DISP1: variants seen among roughly 807,000 people sequenced by gnomAD.
DISP1 encodes dispatched RND transporter family member 1, also known as protein dispatched homolog 1.
A neutral mutation model predicts 37.3 loss-of-function variants in DISP1; 30 were observed. The observed-to-expected ratio is 0.80, with a 90% CI of 0.60 to 1.09. The LOEUF (loss-of-function observed/expected upper bound fraction) is 1.09. Among genes scored for constraint, DISP1 ranks in the 50% least tolerant of loss-of-function variants. The pLI, the probability that DISP1 is intolerant of heterozygous loss-of-function variation, is 0.00. For synonymous variants in DISP1, 634 were observed against 690.2 expected, an observed-to-expected ratio of 0.92 and a Z score of 1.28; for missense variants, 1,598 against 1,879.5, an observed-to-expected ratio of 0.85 and a Z score of 2.77.
At chr1:222,827,690 A>G (rs1466388899) in intron 1 of DISP1, 1 of 152,186 alleles carries the variant, frequency 6.6e-6, no homozygotes, top group African/African-American at 2.4e-5. Context: ...TCTAAAAAGC[A>G]ACAACTGGGT....
In DISP1 at chr1:222,942,799, T is replaced by C; in HGVS notation, c.-17-8T>C. On this transcript the variant is annotated splice_polypyrimidine_tract_variant and splice_region_variant and intron_variant, in intron 2 of 8. Transcript: ENST00000675850. ...GTAACTGGGCGATTTTATGATTTTC[T>C]TACTTAGAGTCAAGAAATTGGAGCA... 1.9e-6 allele frequency: 3 copies of C among 1,614,146 alleles called. No individual in the cohort carries two copies. Among genetic ancestry groups the C allele is most frequent in the Non-Finnish European group, 2.5e-6 (3 of 1,180,032 alleles).
intron 4 of DISP1, among the ~76,000 whole-genome samples, chr1:222,986,272 A>C (rs1223797998): frequency 6.6e-6 from 1 of 151,250 alleles, no homozygotes; most frequent in African/African-American, 2.4e-5. Context: ...GAGAAAAAAG[A>C]AGAGTGTTTT....
intron 1 of DISP1, among the ~76,000 whole-genome samples, chr1:222,824,941 C>G (rs1663936346): frequency 6.6e-6 from 1 of 152,176 alleles, no homozygotes. Context: ...GCGTTTCCAT[C>G]TGCCGCTACT....
chr1:222,822,766 G>A (rs962075601), intron 1 of DISP1, among the ~76,000 whole-genome samples: 2 of 152,242 alleles, frequency 1.3e-5, no homozygotes, highest in Non-Finnish European at 2.9e-5. Context: ...ATCAGAGTGA[G>A]TGGTGTGATC....
At position 222,957,256 on chromosome 1, in the gene DISP1, T is replaced by C. The variant is rs561616714; in HGVS notation, c.509+13924T>C. ...TTGACCTTTAATACTGCTCTTTTCTTCTCCCCCTGATAAGTGGCAGAGAAA... is the reference window on the plus strand; with the variant it reads ...TTGACCTTTAATACTGCTCTTTTCTCCTCCCCCTGATAAGTGGCAGAGAAA... On this transcript the variant is annotated intron_variant, in intron 3 of 8. Transcript: ENST00000675850. 5.9e-5 allele frequency among the ~76,000 whole-genome samples: 9 copies of C among 152,146 alleles called. No individual in the cohort carries two copies. In the East Asian group the frequency reaches 1.5e-3, roughly 26 times the overall value.
At chr1:222,877,167 G>T (rs754583474) in intron 1 of DISP1, among the ~76,000 whole-genome samples, 1 of 152,176 alleles carries the variant, frequency 6.6e-6, no homozygotes, top group Non-Finnish European at 1.5e-5. Context: ...CTTCATCCCA[G>T]TTTGTTGTGA....
At chr1:222,878,253 T>C (rs576383192) in intron 1 of DISP1, among the ~76,000 whole-genome samples, 12 of 152,290 alleles carry the variant, frequency 7.9e-5, no homozygotes, top group African/African-American at 2.6e-4. Context: ...CAAAAGAAGA[T>C]GAGAGTGAAG....
At chr1:222,936,625 AT>A (rs1673763374) in intron 2 of DISP1, among the ~76,000 whole-genome samples, 4 of 115,062 alleles carry the variant, frequency 3.5e-5, no homozygotes, top group South Asian at 2.5e-4. Flanking sequence ...AGATATATAT[AT>A]CTCTCATATA....
At chr1:222,951,777 G>T (rs994370569) in intron 3 of DISP1, among the ~76,000 whole-genome samples, 2 of 152,206 alleles carry the variant, frequency 1.3e-5, no homozygotes, top group African/African-American at 2.4e-5. Flanking sequence ...CTTCAAAGAT[G>T]TAGAAGTAGA....
In DISP1 at chr1:222,987,359, A is replaced by G. The variant is rs373353566; in HGVS notation, c.540-3266A>G. 3.3e-5 allele frequency among the ~76,000 whole-genome samples: 5 copies of G among 152,334 alleles called. No homozygotes were observed. The East Asian group carries it at 9.6e-4, about 29-fold the overall frequency. On this transcript the variant is annotated intron_variant, in intron 4 of 8. Coordinates refer to ENST00000675850, the MANE Select transcript of DISP1 (RefSeq NM_001377229.1). ...TGGGCTTTCCCCCATGGTGTTTTAT[A>G]TACTCAGGATGGTGATCCCATTACT...
chr1:222,920,958 A>G (rs1484731597), intron 1 of DISP1, among the ~76,000 whole-genome samples: 1 of 152,126 alleles, frequency 6.6e-6, no homozygotes, highest in Non-Finnish European at 1.5e-5. Context: ...AAAAACTAAG[A>G]TTTTCCAGAT....
intron 1 of DISP1, among the ~76,000 whole-genome samples, chr1:222,914,625 G>A (rs1999989): frequency 0.34 from 51,216 of 151,738 alleles, 8,798 homozygotes; most frequent in East Asian, 0.52. Context: ...GAGAGATCTT[G>A]TAAAACTTAG....
chr1:222,940,492 A>G (rs1239172743), intron 2 of DISP1, among the ~76,000 whole-genome samples: 1 of 152,182 alleles, frequency 6.6e-6, no homozygotes, highest in African/African-American at 2.4e-5. Flanking sequence ...CAGGACACAG[A>G]TCCAAACCCT....
chr1:222,952,117 G>A (rs1405886690), intron 3 of DISP1, among the ~76,000 whole-genome samples: 1 of 152,062 alleles, frequency 6.6e-6, no homozygotes, highest in South Asian at 2.1e-4. Flanking sequence ...TGACTCTCTG[G>A]AACTGCTGGA....
At chr1:222,938,316 AGACTC>A in intron 2 of DISP1, among the ~76,000 whole-genome samples, 1 of 152,248 alleles carries the variant, frequency 6.6e-6, no homozygotes. Context: ...AAGGGTATTA[AGACTC>A]TCAGGAACTC....
At chr1:222,947,419 T>G (rs547247437) in intron 3 of DISP1, among the ~76,000 whole-genome samples, 118 of 152,262 alleles carry the variant, frequency 7.7e-4, no homozygotes, top group African/African-American at 2.8e-3. Flanking sequence ...CAGTTACATT[T>G]TATCATTTTA....
chr1:222,977,600 A>T (rs1677472635), intron 3 of DISP1, among the ~76,000 whole-genome samples: 1 of 146,592 alleles, frequency 6.8e-6, no homozygotes, highest in Non-Finnish European at 1.5e-5. Flanking sequence ...TTAGTTACAT[A>T]TGTATACATG....
At chr1:222,957,081 CTT>C (rs1675653469) in intron 3 of DISP1, among the ~76,000 whole-genome samples, 1 of 135,562 alleles carries the variant, frequency 7.4e-6, no homozygotes, top group African/African-American at 2.8e-5. Flanking sequence ...TTTAAAAAGA[CTT>C]TGAATTAACC....
Position 223,002,713 on chromosome 1 carries a change from C to A in DISP1, c.1316C>A (p.Pro439Gln). The A allele has an allele frequency of 6.2e-7, 1 of 1,614,102 alleles. No individual in the cohort carries two copies. Among genetic ancestry groups the A allele is most frequent in the Non-Finnish European group, 8.5e-7 (1 of 1,180,032 alleles). The change falls in exon 9 of 9, where the codon CCA becomes CAA. Residue 439 changes from proline to glutamine, a missense_variant. Transcript: ENST00000675850. ...HYLVDKDFMTPKTADYATPAL... is the reference protein window; with the variant it reads ...HYLVDKDFMTQKTADYATPAL... ...TTGGTGGACAAAGACTTTATGACCCCAAAGACGGCTGACTATGCCACGCCA... is the reference window on the plus strand; with the variant it reads ...TTGGTGGACAAAGACTTTATGACCCAAAAGACGGCTGACTATGCCACGCCA...
Sources: gnomAD v4.1 joint callset for allele counts (sites outside exome capture counted in the v4.1 genomes callset) on GRCh38, gnomAD v4.1.1 for gene constraint, MANE v1.5 for transcripts, NCBI Gene and HGNC (gene_info 2026-07-23, HGNC 2026-07-21) for gene names.